The following CEP128 variants were observed in gnomAD, a reference collection of about 807,000 sequenced individuals.
CEP128 encodes centrosomal protein 128kDa.
A neutral mutation model predicts 156.7 loss-of-function variants in CEP128; 132 were observed. The ratio of observed to expected loss-of-function variants is 0.84; its 90% CI spans 0.73 to 0.97. The LOEUF (loss-of-function observed/expected upper bound fraction) is 0.97. Among genes scored for constraint, CEP128 ranks in the 50% least tolerant of loss-of-function variants. The pLI is 0.00. For missense variants in CEP128, 1,252 were observed against 1,281.9 expected, an observed-to-expected ratio of 0.98 and a Z score of 0.36; for synonymous variants, 469 against 448.9, an observed-to-expected ratio of 1.04 and a Z score of -0.57.
chr14:80,540,206 C>CA (rs1371019008), intron 21 of CEP128, among the ~76,000 whole-genome samples: 8 of 146,812 alleles, frequency 5.4e-5, no homozygotes, highest in Admixed American at 4.7e-4. Context: ...CACCCCCCCC[C>CA]CTTTTGAAAC....
At chr14:80,483,047 T>C (rs982531302) in intron 14 of CEP128, among the ~76,000 whole-genome samples, 11 of 152,128 alleles carry the variant, frequency 7.2e-5, no homozygotes, top group Admixed American at 1.3e-4. Flanking sequence ...CCATATCCTA[T>C]AGGGGGTGAA....
chr14:80,516,763 C>G (rs1566751855), intron 23 of CEP128, among the ~76,000 whole-genome samples: 2 of 152,164 alleles, frequency 1.3e-5, no homozygotes, highest in African/African-American at 2.4e-5. Context: ...ACTGTTCTCT[C>G]TCTCCCCAAA....
At chr14:80,568,459 A>ATGCACAAGGAACAT (rs1356661482) in intron 20 of CEP128, among the ~76,000 whole-genome samples, 2 of 152,018 alleles carry the variant, frequency 1.3e-5, no homozygotes, top group Admixed American at 1.3e-4. Flanking sequence ...ACAGGAACTA[A>ATGCACAAGGAACAT]TGCACAAGGA....
intron 19 of CEP128, among the ~76,000 whole-genome samples, chr14:80,658,783 G>A (rs765689399): frequency 2.0e-5 from 3 of 152,138 alleles, no homozygotes; most frequent in Non-Finnish European, 2.9e-5. Flanking sequence ...GTCTCATGAG[G>A]TCCATCAGTG....
At chr14:80,725,502 G>A (rs1168361961) in intron 19 of CEP128, among the ~76,000 whole-genome samples, 8 of 151,972 alleles carry the variant, frequency 5.3e-5, no homozygotes, top group African/African-American at 1.7e-4. Flanking sequence ...TTTTCCTGCA[G>A]ATAATTTACT....
At chr14:80,786,372 A>G (rs753826371) in intron 14 of CEP128, among the ~76,000 whole-genome samples, 6 of 152,234 alleles carry the variant, frequency 3.9e-5, no homozygotes, top group Non-Finnish European at 8.8e-5. Context: ...GGAACCAATT[A>G]AGACTCATTT....
chr14:80,479,287 A>G (rs1475930658), intron 14 of CEP128, among the ~76,000 whole-genome samples: 1 of 152,192 alleles, frequency 6.6e-6, no homozygotes, highest in African/African-American at 2.4e-5. Flanking sequence ...CAGACAGTTC[A>G]TTATTGAATA....
chr14:80,648,112 G>A (rs7156452), intron 19 of CEP128, among the ~76,000 whole-genome samples: 73,967 of 151,762 alleles, frequency 0.49, 20,212 homozygotes, highest in Non-Finnish European at 0.59. Flanking sequence ...AGAGAAATAA[G>A]GCTATCTCAA....
intron 19 of CEP128, among the ~76,000 whole-genome samples, chr14:80,603,848 T>C (rs1446710079): frequency 6.6e-6 from 1 of 152,098 alleles, no homozygotes; most frequent in Non-Finnish European, 1.5e-5. Flanking sequence ...TGTATTCTGC[T>C]CCAAAAAGTG....
At chr14:80,759,930 G>A (rs1470594185) in intron 17 of CEP128, among the ~76,000 whole-genome samples, 2 of 139,432 alleles carry the variant, frequency 1.4e-5, no homozygotes, top group Non-Finnish European at 3.2e-5. Context: ...GTGTGTGTGT[G>A]TGTATACATA....
At chr14:80,933,822 T>C (rs1444650117) in intron 2 of CEP128, among the ~76,000 whole-genome samples, 1 of 151,822 alleles carries the variant, frequency 6.6e-6, no homozygotes, top group Non-Finnish European at 1.5e-5. Context: ...GGTTGTGGAG[T>C]AAATAGGAGG....
intron 19 of CEP128, among the ~76,000 whole-genome samples, chr14:80,672,201 G>A (rs1050903978): frequency 2.0e-5 from 3 of 151,828 alleles, no homozygotes; most frequent in African/African-American, 7.3e-5. Context: ...AAGCAAGCTG[G>A]GCAAAAATAT....
intron 22 of CEP128, 79 bp downstream of exon 22, chr14:80,530,730 T>G (rs1594954537): frequency 9.9e-7 from 1 of 1,013,408 alleles, no homozygotes; most frequent in East Asian, 2.5e-5. Context: ...TTTTCTATAC[T>G]TTTCTTTGCA....
At chr14:80,658,068 T>A (rs1010624135) in intron 19 of CEP128, among the ~76,000 whole-genome samples, 4 of 152,320 alleles carry the variant, frequency 2.6e-5, no homozygotes, top group Non-Finnish European at 4.4e-5. Context: ...TTTCTAATGC[T>A]ATCACCACAG....
rs200429516 is a variant in CEP128 at position 80,794,603 on chromosome 14, T to C, written c.1210-1493A>G. Among the ~76,000 whole-genome samples, 4 of 152,232 alleles carry C rather than the reference T, an allele frequency of 2.6e-5. No individual in the cohort carries two copies. In the East Asian group the frequency reaches 7.7e-4, roughly 29 times the overall value. ...AAGTGATTCCTGATCAAAAGAGAAA[T>C]GGAACTGATTTTTCTTTTCAACAAA... On this transcript the variant is annotated intron_variant, in intron 13 of 24. Coordinates refer to ENST00000555265, the MANE Select transcript of CEP128 (RefSeq NM_152446.5).
intron 21 of CEP128, among the ~76,000 whole-genome samples, chr14:80,537,729 AG>A (rs1020754834): frequency 1.3e-5 from 2 of 152,202 alleles, no homozygotes; most frequent in African/African-American, 4.8e-5. Context: ...GTATAAGCCA[AG>A]GTTTCCTAGA....
At chr14:80,840,017 T>A (rs1297681244) in intron 10 of CEP128, among the ~76,000 whole-genome samples, 1 of 152,168 alleles carries the variant, frequency 6.6e-6, no homozygotes, top group Admixed American at 6.5e-5. Context: ...GCAGGGAAGC[T>A]GCCTTTACAT....
intron 19 of CEP128, among the ~76,000 whole-genome samples, chr14:80,616,543 AATT>A (rs5809999): frequency 0.93 from 142,064 of 152,034 alleles, 66,419 homozygotes; most frequent in East Asian, 0.99. Context: ...TTGATATGTG[AATT>A]ATTTTTTTAA....
At chr14:80,529,223 G>T (rs1448691468) in intron 22 of CEP128, among the ~76,000 whole-genome samples, 1 of 152,152 alleles carries the variant, frequency 6.6e-6, no homozygotes, top group Non-Finnish European at 1.5e-5. Flanking sequence ...CATGCACTGT[G>T]TGCATAACAC....
Sources: gnomAD v4.1 joint callset for allele counts (sites outside exome capture counted in the v4.1 genomes callset) on GRCh38, gnomAD v4.1.1 for gene constraint, MANE v1.5 for transcripts, NCBI Gene and HGNC (gene_info 2026-07-23, HGNC 2026-07-21) for gene names.